SYT1: variants seen among roughly 807,000 people sequenced by gnomAD.
SYT1 encodes synaptotagmin 1.
SYT1 carries 8 observed loss-of-function variants against 44.8 expected under a neutral mutation model. The ratio of observed to expected loss-of-function variants is 0.18; its 90% confidence interval spans 0.10 to 0.32. The LOEUF (loss-of-function observed/expected upper bound fraction) is 0.32, where lower values mean the gene tolerates loss of function less well. SYT1 is among the 10% of genes least tolerant of loss of function. SYT1 has a pLI of 1.00. For missense variants in SYT1, 286 were observed against 509.3 expected, an observed-to-expected ratio of 0.56 and a Z score of 4.22; for synonymous variants, 154 against 188.8, an observed-to-expected ratio of 0.82 and a Z score of 1.51.
At chr12:79,060,312 G>T (rs1875284657) in intron 3 of SYT1, among the ~76,000 whole-genome samples, 1 of 151,780 alleles carries the variant, frequency 6.6e-6, no homozygotes, top group East Asian at 2.0e-4. Flanking sequence ...TTTAATTGTG[G>T]TAAAATATAT....
chr12:79,447,046 T>TA (rs552303508), intron 10 of SYT1, among the ~76,000 whole-genome samples: 55 of 152,152 alleles, frequency 3.6e-4, no homozygotes, highest in Non-Finnish European at 5.0e-4. Flanking sequence ...TGAAGCACAT[T>TA]AAAAATAAGA....
chr12:78,941,434 C>CACACACACACACAT (rs1491424889), intron 1 of SYT1, among the ~76,000 whole-genome samples: 6 of 141,634 alleles, frequency 4.2e-5, no homozygotes, highest in African/African-American at 1.3e-4. Flanking sequence ...CACACACACA[C>CACACACACACACAT]ATTATGTAAT....
intron 2 of SYT1, among the ~76,000 whole-genome samples, chr12:78,979,440 C>T (rs1217449918): frequency 2.6e-5 from 4 of 151,998 alleles, no homozygotes; most frequent in East Asian, 3.9e-4. Context: ...GGGAGTAGGC[C>T]CTAGGACCAG....
chr12:79,261,035 A>G (rs1333876833), intron 4 of SYT1, among the ~76,000 whole-genome samples: 2 of 152,142 alleles, frequency 1.3e-5, no homozygotes, highest in Non-Finnish European at 2.9e-5. Context: ...GGTCTCACAT[A>G]GTCCCTAAAT....
At chr12:78,981,457 T>G (rs1001189304) in intron 2 of SYT1, among the ~76,000 whole-genome samples, 4 of 152,166 alleles carry the variant, frequency 2.6e-5, no homozygotes, top group African/African-American at 9.7e-5. Flanking sequence ...GGTAACTATG[T>G]TGTTACATAT....
chr12:79,134,789 C>T (rs1251217583), intron 3 of SYT1, among the ~76,000 whole-genome samples: 1 of 151,924 alleles, frequency 6.6e-6, no homozygotes, highest in East Asian at 1.9e-4. Context: ...TTAAGACATT[C>T]TAATAGAGTA....
chr12:79,178,629 G>T (rs1872053552), intron 3 of SYT1, among the ~76,000 whole-genome samples: 1 of 151,618 alleles, frequency 6.6e-6, no homozygotes. Context: ...TCATTTGGTG[G>T]ACAGGGCTAT....
At chr12:79,020,191 G>A (rs1413036732) in intron 2 of SYT1, among the ~76,000 whole-genome samples, 3 of 151,934 alleles carry the variant, frequency 2.0e-5, no homozygotes, top group African/African-American at 4.8e-5. Context: ...GTTTTTTAAT[G>A]TATGTTTCTG....
chr12:79,393,251 G>A (rs1884739886), intron 9 of SYT1: 1 of 152,120 alleles, frequency 6.6e-6, no homozygotes. Context: ...GGTGAATAGT[G>A]CCAAAATAAA....
chr12:79,204,082 G>A (rs1259322437), intron 3 of SYT1, among the ~76,000 whole-genome samples: 1 of 152,166 alleles, frequency 6.6e-6, no homozygotes, highest in East Asian at 1.9e-4. Context: ...TACTAGCTGT[G>A]CAAACTTTGG....
At chr12:78,953,663 A>G (rs1368878885) in intron 1 of SYT1, among the ~76,000 whole-genome samples, 1 of 152,156 alleles carries the variant, frequency 6.6e-6, no homozygotes, top group Non-Finnish European at 1.5e-5. Flanking sequence ...AAACCACAGT[A>G]TGACATTAAG....
At chr12:79,433,270 A>T (rs780095875) in intron 9 of SYT1, among the ~76,000 whole-genome samples, 2 of 152,184 alleles carry the variant, frequency 1.3e-5, no homozygotes, top group Non-Finnish European at 2.9e-5. Context: ...GCCACTGAAG[A>T]CCAGGAACCC....
At chr12:78,931,459 G>GAA (rs1476577611) in intron 1 of SYT1, among the ~76,000 whole-genome samples, 1 of 148,720 alleles carries the variant, frequency 6.7e-6, no homozygotes, top group Non-Finnish European at 1.5e-5. Context: ...GAGAGAGAAA[G>GAA]AAAGAAAAAG....
At chr12:79,117,708 TATATATA>T (rs1879374447) in intron 3 of SYT1, among the ~76,000 whole-genome samples, 2 of 109,840 alleles carry the variant, frequency 1.8e-5, no homozygotes, top group Non-Finnish European at 3.7e-5. Flanking sequence ...TATATATATA[TATATATA>T]AAATAAATAG....
intron 3 of SYT1, among the ~76,000 whole-genome samples, chr12:79,064,948 G>C (rs544461771): frequency 1.5e-5 from 2 of 137,002 alleles, no homozygotes; most frequent in Non-Finnish European, 3.2e-5. Flanking sequence ...AAGAAAGAAA[G>C]AAAGAAAGAA....
intron 9 of SYT1, among the ~76,000 whole-genome samples, chr12:79,384,780 C>T (rs769353562): frequency 5.6e-4 from 85 of 151,782 alleles, no homozygotes; most frequent in Non-Finnish European, 1.1e-3. Context: ...TATTGTTGGC[C>T]GATGTGAAAA....
Position 78,956,192 on chromosome 12 carries a change from G to C in SYT1, c.-216-21607G>C, listed in dbSNP as rs147860014. On this transcript the variant is annotated intron_variant, in intron 1 of 10. Coordinates refer to ENST00000261205, the MANE Select transcript of SYT1 (RefSeq NM_005639.3). ...CAACATTGACAGAATGACTGGTATG[G>C]GGGGGCAGAATGTGCATTTAATAAA... Among the ~76,000 whole-genome samples the C allele has an allele frequency of 2.2e-3, 341 of 152,034 alleles. 4 individuals carry two copies. Among genetic ancestry groups the C allele is most frequent in the African/African-American group, 8.0e-3 (332 of 41,498 alleles).
chr12:79,434,312 C>T (rs1051923972), intron 9 of SYT1, among the ~76,000 whole-genome samples: 1 of 152,120 alleles, frequency 6.6e-6, no homozygotes, highest in Non-Finnish European at 1.5e-5. Context: ...AGAAAATTTT[C>T]CCCAAATATA....
At chr12:79,119,592 A>G (rs1333631491) in intron 3 of SYT1, among the ~76,000 whole-genome samples, 1 of 151,980 alleles carries the variant, frequency 6.6e-6, no homozygotes, top group African/African-American at 2.4e-5. Flanking sequence ...TGTCACTATC[A>G]CCAGAAATCC....
Sources: allele counts gnomAD v4.1 joint callset (sites outside exome capture counted in the v4.1 genomes callset), GRCh38; gene constraint gnomAD v4.1.1; transcripts MANE v1.5; gene names NCBI Gene and HGNC (gene_info 2026-07-23, HGNC 2026-07-21).